The following ZNF222 variants were observed in gnomAD, a reference collection of about 807,000 sequenced individuals.
ZNF222 encodes the protein zinc finger protein 222.
ZNF222 carries 8 observed loss-of-function variants against 11.6 expected under a neutral mutation model. The ratio of observed to expected loss-of-function variants is 0.69; its 90% CI spans 0.41 to 1.25. The LOEUF (loss-of-function observed/expected upper bound fraction) is 1.25, where lower values mean the gene tolerates loss of function less well. ZNF222 is among the 50% of genes most tolerant of loss of function. The pLI is 0.01. For missense variants in ZNF222, 483 were observed against 576.1 expected, an observed-to-expected ratio of 0.84 and a Z score of 1.65; for synonymous variants, 171 against 195.6, an observed-to-expected ratio of 0.87 and a Z score of 1.05.
In ZNF222 at chr19:44,032,525, TG is replaced by T. The variant is rs746598878; in HGVS notation, c.972del (p.Tyr325ThrfsTer14). The T allele has an allele frequency of 6.2e-7, 1 of 1,614,062 alleles. No individual in the cohort carries two copies. Among genetic ancestry groups the T allele is most frequent in the Non-Finnish European group, 8.5e-7 (1 of 1,180,044 alleles). ...TGCATGGTCCACACAGCAGAGAAACTGTACAAATCTGAAAAGTATGGAAGAG... is the reference window on the plus strand; with the variant it reads ...TGCATGGTCCACACAGCAGAGAAACTTACAAATCTGAAAAGTATGGAAGAG... ...RHCMVHTAEK[L>X]YKSEKYGRGF... On this transcript the variant is annotated frameshift_variant, in exon 4 of 4. Coordinates refer to ENST00000391960, the MANE Select transcript of ZNF222 (RefSeq NM_001129996.2). LOFTEE classifies it low-confidence loss of function (END_TRUNC).
In ZNF222 at chr19:44,025,379, C is replaced by G. The variant is rs551454509; in HGVS notation, c.-58C>G. Reference sequence around the variant, plus strand: ...TTTACCACAGTAGTTTGAGTCATTTCCACATCTTGCGAGTCCTTCCGAACG... The same window carrying G: ...TTTACCACAGTAGTTTGAGTCATTTGCACATCTTGCGAGTCCTTCCGAACG... On this transcript the variant is annotated 5_prime_UTR_variant, in exon 1 of 4. Transcript: ENST00000391960. The surrounding 1 kb of genome is among the most constrained non-coding windows in gnomAD (Gnocchi z 4.6). 1.3e-6 allele frequency: 2 copies of G among 1,538,474 alleles called. No homozygotes were observed. Among genetic ancestry groups the G allele is most frequent in the South Asian group, 1.2e-5 (1 of 83,792 alleles).
Position 44,025,561 on chromosome 19 carries a change from G to A in ZNF222, c.42+83G>A, listed in dbSNP as rs923041853. 9 of 1,435,288 alleles carry A rather than the reference G, an allele frequency of 6.3e-6. No individual in the cohort carries two copies. Among genetic ancestry groups the A allele is most frequent in the East Asian group, 2.5e-5 (1 of 40,154 alleles). 88.9% of individuals were successfully genotyped at this position (1,435,288 alleles called of 1,614,324 possible). On this transcript the variant is annotated intron_variant, in intron 1 of 3. Transcript: ENST00000391960. The surrounding 1 kb of genome is among the most constrained non-coding windows in gnomAD (Gnocchi z 4.6). ...GGGGGCTCTGCTAGGGTCTCAGGGA[G>A]TGGGATTGGCGCGGCCCGGTGTGCC...
intron 3 of ZNF222, chr19:44,031,147 C>G (rs1330051173): frequency 6.6e-6 from 1 of 152,208 alleles, no homozygotes; most frequent in Non-Finnish European, 1.5e-5. Context: ...TCATATTTCA[C>G]TACATATGTA....
chr19:44,027,494 A>C lies in ZNF222; in HGVS notation c.262+4A>C. 1 of 1,612,480 alleles carries C rather than the reference A, an allele frequency of 6.2e-7. No homozygotes were observed. The highest frequency in any genetic ancestry group is 8.5e-7 in the Non-Finnish European group (1 of 1,178,600). Reference sequence around the variant, plus strand: ...AGCCAAAGAGAAGGGAATTTGGGTAAGAACCAAGCAATTGTGTGTCCCTGC... The same window carrying C: ...AGCCAAAGAGAAGGGAATTTGGGTACGAACCAAGCAATTGTGTGTCCCTGC... On this transcript the variant is annotated splice_donor_region_variant and intron_variant, in intron 3 of 3. Transcript: ENST00000391960.
Position 44,025,539 on chromosome 19 carries a change from G to C in ZNF222, c.42+61G>C. On this transcript the variant is annotated intron_variant, in intron 1 of 3. Coordinates refer to ENST00000391960, the MANE Select transcript of ZNF222 (RefSeq NM_001129996.2). The surrounding 1 kb of genome is among the most constrained non-coding windows in gnomAD (Gnocchi z 4.6). ...TCAGCTGAGCCTTCTGGCGTCGGGG[G>C]GCTCTGCTAGGGTCTCAGGGAGTGG... 1 of 1,500,960 alleles carries C rather than the reference G, an allele frequency of 6.7e-7. No homozygotes were observed. The highest frequency in any genetic ancestry group is 8.9e-7 in the Non-Finnish European group (1 of 1,121,196). 93.0% of individuals were successfully genotyped at this position (1,500,960 alleles called of 1,614,324 possible).
At chr19:44,026,536 C>A (rs1018041680) in intron 1 of ZNF222, among the ~76,000 whole-genome samples, 96 of 133,728 alleles carry the variant, frequency 7.2e-4, no homozygotes, top group African/African-American at 3.2e-3. Context: ...CTTTCTCTCT[C>A]TCTCTCTATA....
Position 44,032,922 on chromosome 19 carries a change from A to G in ZNF222, c.1368A>G (p.Gln456=). Residue 456 remains glutamine (Q), a synonymous_variant, in exon 4 of 4, where the codon CAA becomes CAG. Coordinates refer to ENST00000391960, the MANE Select transcript of ZNF222 (RefSeq NM_001129996.2). ...GCCGGTCATACTGTAAAGACCAACAAAGAGACCACAGTGGAGAAAACCCAT... is the reference window on the plus strand; with the variant it reads ...GCCGGTCATACTGTAAAGACCAACAGAGAGACCACAGTGGAGAAAACCCAT... ...LVCRSYCKDQ[Q]RDHSGENPSK... The G allele has an allele frequency of 6.2e-7, 1 of 1,612,656 alleles. No individual in the cohort carries two copies. The highest frequency in any genetic ancestry group is 8.5e-7 in the Non-Finnish European group (1 of 1,179,700).
Position 44,025,552 on chromosome 19 carries a change from T to C in ZNF222, c.42+74T>C. ...CTGGCGTCGGGGGGCTCTGCTAGGGTCTCAGGGAGTGGGATTGGCGCGGCC... is the reference window on the plus strand; with the variant it reads ...CTGGCGTCGGGGGGCTCTGCTAGGGCCTCAGGGAGTGGGATTGGCGCGGCC... On this transcript the variant is annotated intron_variant, in intron 1 of 3. Transcript: ENST00000391960. This position sits in a 1 kb window ranked among gnomAD's most constrained non-coding sequence, Gnocchi z 4.6. 6.9e-7 allele frequency: 1 copy of C among 1,456,876 alleles called. No homozygotes were observed. Among genetic ancestry groups the C allele is most frequent in the Non-Finnish European group, 9.1e-7 (1 of 1,096,000 alleles). The allele number at this position is 1,456,876 out of a possible 1,614,324, so 90.2% of individuals were successfully genotyped here.
chr19:44,032,511 C>T lies in ZNF222; in HGVS notation c.957C>T (p.His319=). The T allele has an allele frequency of 1.2e-6, 2 of 1,614,170 alleles. No homozygotes were observed. The highest frequency in any genetic ancestry group is 2.2e-5 in the South Asian group (2 of 91,086). ...GTCTTAATAGGCATTGCATGGTCCA[C>T]ACAGCAGAGAAACTGTACAAATCTG... ...RSSLNRHCMV[H]TAEKLYKSEK... is the part of the protein sequence containing the mutation. The change falls in exon 4 of 4, where the codon CAC becomes CAT. Residue 319 remains histidine, a synonymous_variant. Transcript: ENST00000391960.
chr19:44,031,702 C>T, intron 3 of ZNF222, 115 bp from the exon 4 acceptor site: 3 of 1,198,418 alleles, frequency 2.5e-6, no homozygotes, highest in Non-Finnish European at 3.5e-6. Context: ...AGGATGGTCT[C>T]AAACTCCTGA....
intron 3 of ZNF222, chr19:44,031,188 AT>A (rs2147449279): frequency 6.6e-6 from 1 of 152,404 alleles, no homozygotes; most frequent in South Asian, 2.1e-4. Context: ...ACCACACAAA[AT>A]TTTAGACTGA....
At chr19:44,026,521 A>G (rs1340120233) in intron 1 of ZNF222, among the ~76,000 whole-genome samples, 1 of 132,990 alleles carries the variant, frequency 7.5e-6, no homozygotes, top group South Asian at 2.5e-4. Flanking sequence ...CTTATCTACT[A>G]TTTTCTTTCT....
rs1218358365 is a variant in ZNF222, at chr19:44,026,211, T to C, written c.42+733T>C. 3.2e-5 allele frequency: 30 copies of C among 945,056 alleles called. No homozygotes were observed. In the South Asian group the frequency reaches 3.3e-4, roughly 11 times the overall value. 58.5% of individuals were successfully genotyped at this position (945,056 alleles called of 1,614,324 possible). A position where few individuals can be genotyped will look rare whatever the true frequency, so the allele number is the denominator to read the frequency against. On this transcript the variant is annotated intron_variant, in intron 1 of 3. Transcript: ENST00000391960. ...CCTTAATTGGTAACTTTATTCCAAG[T>C]ACTTTATACCCCAAAATACATGATC...
intron 3 of ZNF222, among the ~76,000 whole-genome samples, chr19:44,029,776 G>A (rs1976461223): frequency 6.6e-6 from 1 of 152,158 alleles, no homozygotes. Context: ...AAACTTGGAA[G>A]TTATCTTTCC....
At chr19:44,026,069 C>T (rs1976352818) in intron 1 of ZNF222, 3 of 1,613,576 alleles carry the variant, frequency 1.9e-6, no homozygotes, top group Admixed American at 1.7e-5. Flanking sequence ...TTCTTGGCTA[C>T]TGATGGCAAA....
intron 1 of ZNF222, among the ~76,000 whole-genome samples, chr19:44,026,550 A>ATTTTTT (rs1976369825): frequency 7.9e-6 from 1 of 127,186 alleles, no homozygotes; most frequent in African/African-American, 4.3e-5. Context: ...CTCTATATAT[A>ATTTTTT]TATATATTTT....
In ZNF222 at chr19:44,031,971, C is replaced by A; in HGVS notation, c.417C>A (p.Asn139Lys). The change falls in exon 4 of 4, where the codon AAC becomes AAA. Residue 139 changes from asparagine (N) to lysine (K), a missense_variant. Transcript: ENST00000391960. ...CTCAGTTATTTGAACAAGATGACAACCCCTCCCAGATTAAAGCAAGACTAT... is the reference window on the plus strand; with the variant it reads ...CTCAGTTATTTGAACAAGATGACAAACCCTCCCAGATTAAAGCAAGACTAT... ...SNSQLFEQDD[N>K]PSQIKARLST... The A allele has an allele frequency of 6.2e-7, 1 of 1,614,212 alleles. No individual in the cohort carries two copies.
chr19:44,026,844 C>G (rs1031417392), intron 1 of ZNF222, among the ~76,000 whole-genome samples, 179 bp from the exon 2 acceptor site: 1 of 152,074 alleles, frequency 6.6e-6, no homozygotes, highest in African/African-American at 2.4e-5. Context: ...ATTCCAAACC[C>G]CTATTGCCTA....
rs1568502867 is a variant in ZNF222 at position 44,027,472 on chromosome 19, C to G, written c.244C>G (p.Gln82Glu). ...EKFWVMGTTS[Q>E]REGNLGGKIQ... ...GTTTTGGGTGATGGGGACAACAAGC[C>G]AAAGAGAAGGGAATTTGGGTAAGAA... The change falls in exon 3 of 4, where the codon CAA becomes GAA. Residue 82 changes from glutamine (Q) to glutamate (E), a missense_variant. Physicochemically the swap from Gln to Glu is conservative, Grantham distance 29 (BLOSUM62 2). Transcript: ENST00000391960. The G allele has an allele frequency of 6.2e-7, 1 of 1,613,960 alleles. No homozygotes were observed. Among genetic ancestry groups the G allele is most frequent in the Non-Finnish European group, 8.5e-7 (1 of 1,179,948 alleles).
Sources: gnomAD v4.1 joint callset for allele counts (sites outside exome capture counted in the v4.1 genomes callset) on GRCh38, gnomAD v4.1.1 for gene constraint, Gnocchi (gnomAD v3.1) non-coding constraint, MANE v1.5 for transcripts, NCBI Gene and HGNC (gene_info 2026-07-23, HGNC 2026-07-21) for gene names.